NALF1: variants seen among roughly 807,000 people sequenced by gnomAD.
NALF1 encodes family with sequence similarity 155 member A.
Under a neutral mutation model 48.4 loss-of-function variants are expected in NALF1, and 3 were observed. The observed-to-expected ratio is 0.06, with a 90% CI of 0.03 to 0.16. The LOEUF is 0.16. Ranked by LOEUF, NALF1 falls within the 10% of genes least tolerant of loss-of-function variation. The pLI is 1.00. For synonymous variants in NALF1, 262 were observed against 245.7 expected, an observed-to-expected ratio of 1.07 and a Z score of -0.62; for missense variants, 526 against 571.5, an observed-to-expected ratio of 0.92 and a Z score of 0.81.
intron 1 of NALF1, among the ~76,000 whole-genome samples, chr13:107,679,198 T>G (rs1391573365): frequency 3.3e-5 from 5 of 152,218 alleles, no homozygotes; most frequent in Non-Finnish European, 5.9e-5. Context: ...GTATAATTTT[T>G]CATAACCTTG....
At position 107,660,469 on chromosome 13, in the gene NALF1, ACACACACACACACAC is replaced by A. The variant is rs1566434045; in HGVS notation, c.915+205198_915+205212del. Among the ~76,000 whole-genome samples, 1,022 of 125,070 alleles carry A rather than the reference ACACACACACACACAC, an allele frequency of 8.2e-3. 24 individuals carry two copies. The highest frequency in any genetic ancestry group is 0.037 in the African/African-American group (986 of 26,816). 82.1% of individuals were successfully genotyped at this position (125,070 alleles called of 152,430 possible). A position where few individuals can be genotyped will look rare whatever the true frequency, so the allele number is the denominator to read the frequency against. On this transcript the variant is annotated intron_variant, in intron 1 of 2. Transcript: ENST00000375915. ...CACACACACACACACACACACACAC[ACACACACACACACAC>A]AACAAAGAAACAAAAAAACAAACAA...
intron 1 of NALF1, among the ~76,000 whole-genome samples, chr13:107,304,923 C>T (rs1881906694): frequency 6.6e-6 from 1 of 152,106 alleles, no homozygotes; most frequent in South Asian, 2.1e-4. Context: ...ATGCAAAAGT[C>T]TTAGGAGGTC....
chr13:107,465,313 T>TTATATATA (rs56340741), intron 1 of NALF1, among the ~76,000 whole-genome samples: 2 of 149,622 alleles, frequency 1.3e-5, no homozygotes, highest in Non-Finnish European at 3.0e-5. Flanking sequence ...AACTGTATAA[T>TTATATATA]TATATATATA....
intron 1 of NALF1, among the ~76,000 whole-genome samples, chr13:107,508,981 AT>A (rs1237164297): frequency 6.6e-6 from 1 of 152,224 alleles, no homozygotes; most frequent in Non-Finnish European, 1.5e-5. Flanking sequence ...CAACATCAAA[AT>A]AAATGATTAT....
intron 1 of NALF1, among the ~76,000 whole-genome samples, chr13:107,739,543 C>G (rs1392780192): frequency 6.6e-6 from 1 of 151,650 alleles, no homozygotes; most frequent in South Asian, 2.1e-4. Flanking sequence ...ACTGATTCAT[C>G]AGGAAAATAT....
At chr13:107,253,033 C>T (rs905536448) in intron 1 of NALF1, among the ~76,000 whole-genome samples, 1 of 152,058 alleles carries the variant, frequency 6.6e-6, no homozygotes, top group Non-Finnish European at 1.5e-5. Flanking sequence ...TATTTAATGA[C>T]ATAGTTATGA....
At chr13:107,519,608 A>G (rs7993352) in intron 1 of NALF1, among the ~76,000 whole-genome samples, 97,816 of 151,948 alleles carry the variant, frequency 0.64, 33,809 homozygotes, top group Middle Eastern at 0.81. Context: ...TGGGTTGGGA[A>G]AAGGAAGAGT....
chr13:107,280,030 G>A (rs896707853), intron 1 of NALF1, among the ~76,000 whole-genome samples: 7 of 152,072 alleles, frequency 4.6e-5, no homozygotes, highest in African/African-American at 1.4e-4. Flanking sequence ...GAGCTCAACC[G>A]ATCCTCCTGC....
chr13:107,236,626 T>TG (rs1373914775), intron 1 of NALF1, among the ~76,000 whole-genome samples: 1 of 152,174 alleles, frequency 6.6e-6, no homozygotes, highest in African/African-American at 2.4e-5. Flanking sequence ...CTCATCTCCC[T>TG]GTTTGGTAGC....
intron 1 of NALF1, among the ~76,000 whole-genome samples, chr13:107,534,257 G>T (rs1876734172): frequency 6.6e-6 from 1 of 151,880 alleles, no homozygotes; most frequent in Non-Finnish European, 1.5e-5. Flanking sequence ...CCACAAACAT[G>T]TTTACTTCAG....
intron 1 of NALF1, among the ~76,000 whole-genome samples, chr13:107,692,220 T>C (rs1881584219): frequency 6.6e-6 from 1 of 152,216 alleles, no homozygotes; most frequent in African/African-American, 2.4e-5. Context: ...GCCTAATTCA[T>C]CTCTTTTCAA....
At chr13:107,287,702 CTTTCTTT>C (rs1881524177) in intron 1 of NALF1, among the ~76,000 whole-genome samples, 1 of 97,472 alleles carries the variant, frequency 1.0e-5, no homozygotes, top group African/African-American at 3.1e-5. Context: ...CTTTTCTTTT[CTTTCTTT>C]TTTTTTTTTT....
intron 1 of NALF1, among the ~76,000 whole-genome samples, chr13:107,479,731 C>A (rs759489338): frequency 6.6e-6 from 1 of 152,094 alleles, no homozygotes; most frequent in Non-Finnish European, 1.5e-5. Context: ...ATATTATGCT[C>A]CTATAGTTTT....
At chr13:107,339,917 CTAAT>C (rs1356525487) in intron 1 of NALF1, among the ~76,000 whole-genome samples, 1 of 152,078 alleles carries the variant, frequency 6.6e-6, no homozygotes, top group Non-Finnish European at 1.5e-5. Context: ...CATGTATTTC[CTAAT>C]TGTGTTCCAC....
intron 1 of NALF1, among the ~76,000 whole-genome samples, chr13:107,325,068 T>C (rs1882326183): frequency 1.3e-5 from 2 of 152,198 alleles, no homozygotes; most frequent in Admixed American, 6.5e-5. Context: ...TCAAGAGCTA[T>C]CTTGAAATCA....
intron 1 of NALF1, among the ~76,000 whole-genome samples, chr13:107,861,761 C>A (rs549155303): frequency 6.6e-6 from 1 of 152,224 alleles, no homozygotes. Flanking sequence ...CCAGCCTGGG[C>A]GACAGAGTGA....
chr13:107,242,444 G>C (rs568046905), intron 1 of NALF1, among the ~76,000 whole-genome samples: 10 of 152,346 alleles, frequency 6.6e-5, no homozygotes, highest in Admixed American at 2.0e-4. Flanking sequence ...GGAAGAACAG[G>C]CACCTCTGGG....
chr13:107,762,027 CATT>C (rs777539375), intron 1 of NALF1, among the ~76,000 whole-genome samples: 9 of 152,158 alleles, frequency 5.9e-5, no homozygotes, highest in Non-Finnish European at 1.2e-4. Context: ...TTGCCATCAT[CATT>C]ATTAAGATCT....
At chr13:107,716,838 A>G (rs1456426042) in intron 1 of NALF1, among the ~76,000 whole-genome samples, 1 of 150,866 alleles carries the variant, frequency 6.6e-6, no homozygotes, top group South Asian at 2.1e-4. Context: ...GAGTGGAATT[A>G]TGAAGAGAAA....
Sources: gnomAD v4.1 joint callset for allele counts (sites outside exome capture counted in the v4.1 genomes callset) on GRCh38, gnomAD v4.1.1 for gene constraint, MANE v1.5 for transcripts, NCBI Gene and HGNC (gene_info 2026-07-23, HGNC 2026-07-21) for gene names.